TC2N: variants seen among roughly 807,000 people sequenced by gnomAD.
The protein encoded by TC2N is tandem C2 domains, nuclear.
A neutral mutation model predicts 61.9 loss-of-function variants in TC2N; 51 were observed. The ratio of observed to expected loss-of-function variants is 0.82; its 90% CI spans 0.66 to 1.04. The LOEUF is 1.04. Among genes scored for constraint, TC2N ranks in the 50% least tolerant of loss-of-function variants. TC2N has a pLI of 0.00. For missense variants in TC2N, 556 were observed against 566.7 expected (o/e 0.98, Z 0.19); for synonymous variants, 204 against 192.6 (o/e 1.06, Z -0.49).
At chr14:91,818,148 G>T (rs955578983) in intron 1 of TC2N, among the ~76,000 whole-genome samples, 3 of 152,148 alleles carry the variant, frequency 2.0e-5, no homozygotes, top group Non-Finnish European at 2.9e-5. Flanking sequence ...AAAGCTGAAA[G>T]TATGTGGAGA....
intron 1 of TC2N, among the ~76,000 whole-genome samples, chr14:91,816,733 C>T (rs1262832153): frequency 1.3e-5 from 2 of 151,830 alleles, no homozygotes; most frequent in African/African-American, 4.8e-5. Context: ...TTCCTCTTCC[C>T]AATTCGCTAT....
At chr14:91,832,407 T>A (rs1887818409) in intron 1 of TC2N, among the ~76,000 whole-genome samples, 1 of 147,190 alleles carries the variant, frequency 6.8e-6, no homozygotes. Flanking sequence ...AAAAAAAATC[T>A]ATGTTTTAAA....
At chr14:91,834,944 G>GT (rs1887940198) in intron 1 of TC2N, among the ~76,000 whole-genome samples, 2 of 152,102 alleles carry the variant, frequency 1.3e-5, no homozygotes, top group Admixed American at 6.5e-5. Context: ...TCCAACATTT[G>GT]TAAGTCTGAT....
At chr14:91,816,039 A>T (rs77563343) in intron 1 of TC2N, among the ~76,000 whole-genome samples, 2,403 of 151,890 alleles carry the variant, frequency 0.016, 29 homozygotes, top group Non-Finnish European at 0.025. Context: ...TTCAGATCAA[A>T]TTTTAAATTG....
intron 1 of TC2N, among the ~76,000 whole-genome samples, chr14:91,822,845 G>C (rs112386110): frequency 2.0e-5 from 3 of 151,694 alleles, no homozygotes; most frequent in African/African-American, 7.3e-5. Context: ...CTCCCAAGTA[G>C]CTGGGACTAC....
chr14:91,792,218 T>C, intron 9 of TC2N, 149 bp downstream of exon 9: 1 of 294,700 alleles, frequency 3.4e-6, no homozygotes, highest in Non-Finnish European at 5.3e-6. Flanking sequence ...TATCAATAAT[T>C]TCTAAATATT....
intron 1 of TC2N, among the ~76,000 whole-genome samples, chr14:91,846,270 G>A (rs1409673125): frequency 1.3e-5 from 2 of 152,086 alleles, no homozygotes; most frequent in East Asian, 3.8e-4. Context: ...ATCTGCAATG[G>A]CCTTATCAGA....
intron 1 of TC2N, chr14:91,836,526 C>T (rs1176277139): frequency 1.0e-5 from 1 of 98,540 alleles, no homozygotes; most frequent in Non-Finnish European, 2.3e-5. Flanking sequence ...TACCCACTCC[C>T]ACACCACCCA....
intron 1 of TC2N, among the ~76,000 whole-genome samples, chr14:91,825,006 T>C (rs996878411): frequency 6.6e-6 from 1 of 150,916 alleles, no homozygotes; most frequent in Non-Finnish European, 1.5e-5. Context: ...CCTTAATCCT[T>C]GTAATTTTCT....
chr14:91,865,369 G>T (rs867955580), intron 1 of TC2N, among the ~76,000 whole-genome samples: 129 of 128,404 alleles, frequency 1.0e-3, no homozygotes, highest in African/African-American at 3.6e-3. Flanking sequence ...GAGCCTCTTG[G>T]TTTTTTTTTT....
chr14:91,823,694 G>A (rs1003972728), intron 1 of TC2N, among the ~76,000 whole-genome samples: 1 of 151,828 alleles, frequency 6.6e-6, no homozygotes, highest in Admixed American at 6.6e-5. Context: ...AGAAGGGCAG[G>A]ACCAGTCAGG....
chr14:91,834,041 T>C (rs967213778), intron 1 of TC2N, among the ~76,000 whole-genome samples: 5 of 152,210 alleles, frequency 3.3e-5, no homozygotes, highest in African/African-American at 9.6e-5. Flanking sequence ...CCCTAAATGA[T>C]GTATGCCTCA....
chr14:91,812,351 T>G lies in TC2N; in HGVS notation c.262A>C (p.Arg88=), dbSNP rs138961717. Residue 88 remains arginine (R), a synonymous_variant, in exon 3 of 12, where the codon AGG becomes CGG. Coordinates refer to ENST00000435962, the MANE Select transcript of TC2N (RefSeq NM_001128596.3). The part of the protein sequence containing the change: ...PKFKLSYIQP[R]TQETPSHLEE... ...AGATGTGAAGGAGTTTCTTGTGTCCTGGGTTGAATGTAAGATAACTTAAAC... is the reference window on the plus strand; with the variant it reads ...AGATGTGAAGGAGTTTCTTGTGTCCGGGGTTGAATGTAAGATAACTTAAAC... 4.3e-6 allele frequency: 7 copies of G among 1,612,090 alleles called. No homozygotes were observed. In the African/African-American group the frequency reaches 9.4e-5, roughly 22 times the overall value.
At chr14:91,839,304 A>G (rs906478959) in intron 1 of TC2N, among the ~76,000 whole-genome samples, 9 of 152,180 alleles carry the variant, frequency 5.9e-5, no homozygotes, top group Admixed American at 5.9e-4. Context: ...ACAGGTATCA[A>G]CTAGCAAACT....
intron 1 of TC2N, among the ~76,000 whole-genome samples, chr14:91,834,768 A>T (rs940153669): frequency 6.6e-6 from 1 of 152,096 alleles, no homozygotes; most frequent in Non-Finnish European, 1.5e-5. Context: ...ACTGCCCCCT[A>T]GATTTCCTCC....
At chr14:91,804,252 G>C (rs968639377) in intron 3 of TC2N, among the ~76,000 whole-genome samples, 1 of 152,168 alleles carries the variant, frequency 6.6e-6, no homozygotes, top group Non-Finnish European at 1.5e-5. Flanking sequence ...AATGTAAATT[G>C]ATATAATCAC....
intron 1 of TC2N, among the ~76,000 whole-genome samples, chr14:91,823,273 C>T (rs1040098075): frequency 6.6e-6 from 1 of 151,916 alleles, no homozygotes; most frequent in Non-Finnish European, 1.5e-5. Context: ...GTAGTCCCAG[C>T]ACTTTGGGAG....
intron 1 of TC2N, among the ~76,000 whole-genome samples, chr14:91,823,423 G>A (rs1460936728): frequency 6.6e-6 from 1 of 151,890 alleles, no homozygotes; most frequent in African/African-American, 2.4e-5. Flanking sequence ...AGGAGGCTGA[G>A]GCAGGAGAAC....
chr14:91,807,328 T>A (rs1216307635), intron 3 of TC2N, among the ~76,000 whole-genome samples: 2 of 152,110 alleles, frequency 1.3e-5, no homozygotes, highest in Admixed American at 6.5e-5. Context: ...GAATGGTAGA[T>A]CCACCAACAG....
Sources: gnomAD v4.1 joint callset for allele counts (sites outside exome capture counted in the v4.1 genomes callset) on GRCh38, gnomAD v4.1.1 for gene constraint, MANE v1.5 for transcripts, NCBI Gene and HGNC (gene_info 2026-07-23, HGNC 2026-07-21) for gene names.